PDE3B: variants seen among roughly 807,000 people sequenced by gnomAD.
PDE3B encodes the protein cGMP-inhibited 3',5'-cyclic phosphodiesterase 3B.
A neutral mutation model predicts 116.8 loss-of-function variants in PDE3B; 66 were observed. The ratio of observed to expected loss-of-function variants is 0.56; its 90% CI spans 0.46 to 0.69. PDE3B has a LOEUF of 0.69. PDE3B is among the 30% of genes least tolerant of loss of function. PDE3B has a pLI of 0.00. For missense variants in PDE3B, 1,384 were observed against 1,368.1 expected, an observed-to-expected ratio of 1.01 and a Z score of -0.18; for synonymous variants, 595 against 533.6, an observed-to-expected ratio of 1.12 and a Z score of -1.59.
At chr11:14,838,362 C>T (rs919853087) in intron 11 of PDE3B, among the ~76,000 whole-genome samples, 1 of 152,100 alleles carries the variant, frequency 6.6e-6, no homozygotes, top group Non-Finnish European at 1.5e-5. Flanking sequence ...GCTTGAAATA[C>T]AATGCAAATG....
chr11:14,890,707 C>T, the PDE3B span, among the ~76,000 whole-genome samples: 3 of 151,954 alleles, frequency 2.0e-5, no homozygotes, highest in South Asian at 4.2e-4. Context: ...CCACCACGCC[C>T]GGCTAATTTT....
chr11:14,898,219 A>G, the PDE3B span, among the ~76,000 whole-genome samples: 7 of 152,202 alleles, frequency 4.6e-5, no homozygotes, highest in African/African-American at 1.7e-4. Flanking sequence ...GCTTTTGTCT[A>G]CGGAAACACA....
intron 7 of PDE3B, among the ~76,000 whole-genome samples, chr11:14,824,926 G>C (rs1859640608): frequency 2.0e-5 from 3 of 151,870 alleles, no homozygotes; most frequent in Admixed American, 1.3e-4. Flanking sequence ...GCTAACAGTG[G>C]ACATCTCAGC....
At chr11:14,655,167 A>T (rs1458880442) in intron 1 of PDE3B, among the ~76,000 whole-genome samples, 1 of 152,208 alleles carries the variant, frequency 6.6e-6, no homozygotes, top group Admixed American at 6.5e-5. Context: ...GAAAAAGGAC[A>T]CAAGACACTA....
At chr11:14,809,727 T>A (rs942798806) in intron 5 of PDE3B, among the ~76,000 whole-genome samples, 2 of 152,168 alleles carry the variant, frequency 1.3e-5, no homozygotes, top group African/African-American at 4.8e-5. Context: ...AAGCTAGCTA[T>A]CCTGTCAGCC....
At chr11:14,738,798 C>A (rs1282024339) in intron 1 of PDE3B, among the ~76,000 whole-genome samples, 4 of 152,258 alleles carry the variant, frequency 2.6e-5, no homozygotes, top group African/African-American at 9.6e-5. Context: ...AGAAAGGGGT[C>A]CAGTTTCAGT....
chr11:14,695,883 G>A (rs1590068556), intron 1 of PDE3B, among the ~76,000 whole-genome samples: 1 of 152,000 alleles, frequency 6.6e-6, no homozygotes, highest in East Asian at 1.9e-4. Context: ...TCCATCATGT[G>A]TATGCACCAT....
At chr11:14,737,602 T>A (rs1178373222) in intron 1 of PDE3B, among the ~76,000 whole-genome samples, 2 of 146,104 alleles carry the variant, frequency 1.4e-5, no homozygotes, top group African/African-American at 5.6e-5. Flanking sequence ...GAAATTTGCA[T>A]AGCCTAAAAT....
intron 4 of PDE3B, among the ~76,000 whole-genome samples, chr11:14,800,696 T>C (rs1858727455): frequency 6.6e-6 from 1 of 152,180 alleles, no homozygotes. Flanking sequence ...AATTTGAATG[T>C]TGGCCTGTCT....
chr11:14,843,804 T>C, intron 11 of PDE3B, 23 bp from the exon 12 acceptor site: 1 of 1,590,586 alleles, frequency 6.3e-7, no homozygotes, highest in Non-Finnish European at 8.6e-7. Flanking sequence ...TGCTGGTTTA[T>C]TTTGCTATTT....
At chr11:14,829,885 C>T (rs1859816894) in intron 7 of PDE3B, among the ~76,000 whole-genome samples, 1 of 152,050 alleles carries the variant, frequency 6.6e-6, no homozygotes, top group Non-Finnish European at 1.5e-5. Context: ...TTACCCACAC[C>T]TCAAAATTAC....
chr11:14,858,950 A>G, intron 12 of PDE3B, 93 bp from the exon 13 acceptor site: 1 of 807,928 alleles, frequency 1.2e-6, no homozygotes, highest in East Asian at 2.6e-5. Flanking sequence ...TATAGTAGGT[A>G]TTCATTGTTT....
intron 2 of PDE3B, among the ~76,000 whole-genome samples, chr11:14,778,659 G>A (rs896522610): frequency 9.9e-5 from 15 of 152,076 alleles, no homozygotes; most frequent in Admixed American, 4.6e-4. Context: ...CCAGAACCCC[G>A]TCTGACGTCA....
intron 1 of PDE3B, among the ~76,000 whole-genome samples, chr11:14,646,171 TA>T (rs1473375771): frequency 2.0e-5 from 3 of 152,220 alleles, no homozygotes; most frequent in African/African-American, 7.2e-5. Flanking sequence ...TGATATGCTT[TA>T]CACTGGGAGC....
At chr11:14,747,846 G>A (rs10832299) in intron 1 of PDE3B, among the ~76,000 whole-genome samples, 53,922 of 152,020 alleles carry the variant, frequency 0.35, 10,928 homozygotes, top group South Asian at 0.46. Flanking sequence ...AGTAGCAGGT[G>A]TTTCATAAAT....
At chr11:14,754,734 A>G (rs1857140742) in intron 1 of PDE3B, among the ~76,000 whole-genome samples, 1 of 152,126 alleles carries the variant, frequency 6.6e-6, no homozygotes, top group Non-Finnish European at 1.5e-5. Context: ...GCAAGGCTCC[A>G]TCTCTTTTAA....
At chr11:14,819,107 G>A (rs758542010) in intron 6 of PDE3B, 29 bp from the exon 7 acceptor site, 55 of 1,356,552 alleles carry the variant, frequency 4.1e-5, no homozygotes, top group Admixed American at 8.6e-5. Flanking sequence ...CTCATTTACC[G>A]TATATATTTA....
At chr11:14,704,164 A>G (rs1330043793) in intron 1 of PDE3B, among the ~76,000 whole-genome samples, 1 of 151,774 alleles carries the variant, frequency 6.6e-6, no homozygotes, top group Non-Finnish European at 1.5e-5. Flanking sequence ...GATAAAAAGT[A>G]CCATATAGTC....
At chr11:14,724,701 G>A (rs917878049) in intron 1 of PDE3B, among the ~76,000 whole-genome samples, 1 of 152,170 alleles carries the variant, frequency 6.6e-6, no homozygotes, top group African/African-American at 2.4e-5. Context: ...AATGTTCAAG[G>A]AATGGGCAAA....
Sources: allele counts gnomAD v4.1 joint callset (sites outside exome capture counted in the v4.1 genomes callset), GRCh38; gene constraint gnomAD v4.1.1; transcripts MANE v1.5; gene names NCBI Gene and HGNC (gene_info 2026-07-23, HGNC 2026-07-21).